The following FHOD3 variants were observed in gnomAD, a reference collection of about 807,000 sequenced individuals.
FHOD3 encodes formin homology 2 domain containing 3.
FHOD3 carries 90 observed loss-of-function variants against 173.0 expected under a neutral mutation model. The observed-to-expected ratio is 0.52, with a 90% CI of 0.44 to 0.62. The LOEUF (loss-of-function observed/expected upper bound fraction) is 0.62. FHOD3 is among the 20% of genes least tolerant of loss of function. The pLI, the probability that FHOD3 is intolerant of heterozygous loss-of-function variation, is 0.00. For missense variants in FHOD3, 1,945 were observed against 2,034.7 expected, an observed-to-expected ratio of 0.96 and a Z score of 0.85; for synonymous variants, 828 against 823.0, an observed-to-expected ratio of 1.01 and a Z score of -0.10.
chr18:36,500,901 G>T (rs1288521925), intron 3 of FHOD3, among the ~76,000 whole-genome samples: 1 of 152,184 alleles, frequency 6.6e-6, no homozygotes, highest in Non-Finnish European at 1.5e-5. Context: ...ACCTGGATCA[G>T]GACCAAGTGT....
chr18:36,625,246 T>G (rs1197930161), intron 9 of FHOD3, among the ~76,000 whole-genome samples: 1 of 152,154 alleles, frequency 6.6e-6, no homozygotes, highest in Non-Finnish European at 1.5e-5. Context: ...ACAAAAATAT[T>G]TCTCAGACTC....
intron 19 of FHOD3, among the ~76,000 whole-genome samples, chr18:36,724,633 G>C (rs190547527): frequency 6.6e-6 from 1 of 152,284 alleles, no homozygotes; most frequent in African/African-American, 2.4e-5. Context: ...TGCTCGCCTA[G>C]ACAGCCTCTC....
At chr18:36,347,861 AT>A (rs909651585) in intron 1 of FHOD3, among the ~76,000 whole-genome samples, 1 of 152,230 alleles carries the variant, frequency 6.6e-6, no homozygotes, top group Admixed American at 6.5e-5. Context: ...TGTAATTACA[AT>A]TTTTTATGTG....
intron 3 of FHOD3, among the ~76,000 whole-genome samples, chr18:36,438,795 C>G (rs964440822): frequency 5.3e-5 from 8 of 152,224 alleles, no homozygotes; most frequent in Non-Finnish European, 1.2e-4. Context: ...CAGGCTCACT[C>G]CTCTAGCTCA....
At chr18:36,339,562 C>T (rs1022776151) in intron 1 of FHOD3, among the ~76,000 whole-genome samples, 3 of 152,158 alleles carry the variant, frequency 2.0e-5, no homozygotes, top group Admixed American at 6.5e-5. Flanking sequence ...AGGGGCTTGG[C>T]GCTTCTGCCT....
intron 23 of FHOD3, among the ~76,000 whole-genome samples, chr18:36,746,104 A>G (rs1316969222): frequency 6.6e-6 from 1 of 151,956 alleles, no homozygotes; most frequent in Non-Finnish European, 1.5e-5. Flanking sequence ...TAGTCTGGAA[A>G]TTCTATAAAA....
chr18:36,298,535 C>G (rs963446011), intron 1 of FHOD3, among the ~76,000 whole-genome samples: 1 of 152,196 alleles, frequency 6.6e-6, no homozygotes, highest in Admixed American at 6.5e-5. Context: ...CCTCCTCCTT[C>G]CCCCGGGGGC....
intron 19 of FHOD3, among the ~76,000 whole-genome samples, chr18:36,721,810 A>C (rs12456631): frequency 0.012 from 1,786 of 152,316 alleles, 77 homozygotes; most frequent in East Asian, 0.095. Flanking sequence ...CTGGCTCAGA[A>C]ATTTTTAAAT....
At chr18:36,665,098 A>G (rs890383379) in intron 14 of FHOD3, among the ~76,000 whole-genome samples, 1 of 152,216 alleles carries the variant, frequency 6.6e-6, no homozygotes, top group African/African-American at 2.4e-5. Context: ...GTCTCAAAAA[A>G]GAAAATGTAT....
intron 6 of FHOD3, among the ~76,000 whole-genome samples, chr18:36,590,963 G>A (rs924788566): frequency 2.6e-5 from 4 of 152,182 alleles, no homozygotes; most frequent in Non-Finnish European, 5.9e-5. Flanking sequence ...CAGCTAATGG[G>A]GGGAGTGGGT....
chr18:36,672,939 G>A (rs944881486), intron 14 of FHOD3, among the ~76,000 whole-genome samples: 5 of 152,026 alleles, frequency 3.3e-5, no homozygotes, highest in Admixed American at 6.5e-5. Context: ...TCTGGGCTTA[G>A]TGCAACTGAA....
chr18:36,719,369 A>T (rs1460794387), intron 19 of FHOD3, among the ~76,000 whole-genome samples: 3 of 152,214 alleles, frequency 2.0e-5, no homozygotes, highest in African/African-American at 7.2e-5. Flanking sequence ...CAATGGAAAC[A>T]CTGTACATAA....
Position 36,717,875 on chromosome 18 carries a change from G to T in FHOD3, c.2577G>T (p.Gln859His). ...AGVQDAGVNG[Q>H]CGDILTNKRF... ...TCCAGGATGCAGGTGTAAATGGACA[G>T]TGTGGCGACATCCTCACCAACAAAC... Residue 859 changes from glutamine to histidine, a missense_variant, in exon 19 of 29, where the codon CAG becomes CAT. This residue lies in a region of FHOD3 where 1,099 missense variants were observed against 1,051.2 expected (regional missense o/e 1.05). Coordinates refer to ENST00000590592, the MANE Select transcript of FHOD3 (RefSeq NM_001281740.3). 3.1e-6 allele frequency: 5 copies of T among 1,608,914 alleles called. No individual in the cohort carries two copies. The highest frequency in any genetic ancestry group is 4.2e-6 in the Non-Finnish European group (5 of 1,177,208).
intron 16 of FHOD3, among the ~76,000 whole-genome samples, chr18:36,690,390 G>T (rs2038886878): frequency 6.6e-6 from 1 of 152,188 alleles, no homozygotes; most frequent in Admixed American, 6.5e-5. Flanking sequence ...GGCTCTGTCG[G>T]TCTGTGGATT....
rs138367002 is a variant in FHOD3 at position 36,693,356 on chromosome 18, A to G, written c.2169A>G (p.Ser723=). Reference sequence around the variant, plus strand: ...TGGCTCCTCTGAGCCATAGCCCCTCATCTTCAGACTCTCAAGAGGCTCTCA... The same window carrying G: ...TGGCTCCTCTGAGCCATAGCCCCTCGTCTTCAGACTCTCAAGAGGCTCTCA... ...ACLAPLSHSP[S]SSDSQEALTV... Residue 723 remains serine, a synonymous_variant, in exon 17 of 29, where the codon TCA becomes TCG. Coordinates refer to ENST00000590592, the MANE Select transcript of FHOD3 (RefSeq NM_001281740.3). The G allele has an allele frequency of 1.2e-6, 2 of 1,613,826 alleles. No individual in the cohort carries two copies. The highest frequency in any genetic ancestry group is 1.7e-6 in the Non-Finnish European group (2 of 1,179,846).
rs114917221 is a variant in FHOD3 at position 36,354,019 on chromosome 18, C to T, written c.166-1520C>T. ...GTGTTATGGCCAAGCCTGTTGGGGG[C>T]CTTCTTCACTTTCACCCACATTCTG... On this transcript the variant is annotated intron_variant, in intron 1 of 28. Coordinates refer to ENST00000590592, the MANE Select transcript of FHOD3 (RefSeq NM_001281740.3). Among the ~76,000 whole-genome samples the T allele has an allele frequency of 5.9e-3, 903 of 152,256 alleles. 7 individuals are homozygous for T. Among genetic ancestry groups the T allele is most frequent in the African/African-American group, 0.021 (871 of 41,540 alleles).
intron 3 of FHOD3, among the ~76,000 whole-genome samples, chr18:36,431,053 A>G (rs941373080): frequency 1.3e-5 from 2 of 152,246 alleles, no homozygotes; most frequent in African/African-American, 4.8e-5. Flanking sequence ...GTTATATATC[A>G]CAAAGTTGAG....
chr18:36,443,308 C>T (rs2051262546), intron 3 of FHOD3, among the ~76,000 whole-genome samples: 1 of 152,122 alleles, frequency 6.6e-6, no homozygotes, highest in Admixed American at 6.5e-5. Context: ...TCCATCTGTA[C>T]TTATTAATTA....
At chr18:36,655,565 A>C (rs1454861833) in intron 13 of FHOD3, among the ~76,000 whole-genome samples, 1 of 152,150 alleles carries the variant, frequency 6.6e-6, no homozygotes. Context: ...TTTTAAAATC[A>C]CTTCTCCAGC....
Sources: allele counts gnomAD v4.1 joint callset (sites outside exome capture counted in the v4.1 genomes callset), GRCh38; gene constraint gnomAD v4.1.1; regional missense constraint gnomAD v4.1.1; transcripts MANE v1.5; gene names NCBI Gene and HGNC (gene_info 2026-07-23, HGNC 2026-07-21).